Variants in PGCKA1 observed in about 807,000 individuals in gnomAD.
The protein encoded by PGCKA1 is PDCD10 and GCKIII kinases-associated protein 1.
At chr4:37,489,053 A>G in the PGCKA1 span, among the ~76,000 whole-genome samples, 15 of 152,140 alleles carry the variant, frequency 9.9e-5, no homozygotes, top group Non-Finnish European at 1.9e-4. Flanking sequence ...GTATGCATGG[A>G]TTTTGGTATA....
At chr4:37,573,428 A>T in the PGCKA1 span, among the ~76,000 whole-genome samples, 391 of 152,282 alleles carry the variant, frequency 2.6e-3, 3 homozygotes, top group African/African-American at 8.9e-3. Flanking sequence ...AGTCTGTCCC[A>T]TCCCCTGACT....
At chr4:37,474,564 G>A in the PGCKA1 span, among the ~76,000 whole-genome samples, 10 of 152,292 alleles carry the variant, frequency 6.6e-5, no homozygotes, top group Middle Eastern at 3.4e-3. Flanking sequence ...AGGATGAGTG[G>A]AAAGGGAAGA....
At chr4:37,545,011 A>G in the PGCKA1 span, among the ~76,000 whole-genome samples, 3 of 151,602 alleles carry the variant, frequency 2.0e-5, no homozygotes, top group Non-Finnish European at 4.4e-5. Flanking sequence ...ATGTACCACC[A>G]CACCTGGCTA....
At chr4:37,546,630 T>C in the PGCKA1 span, among the ~76,000 whole-genome samples, 1 of 152,218 alleles carries the variant, frequency 6.6e-6, no homozygotes, top group Non-Finnish European at 1.5e-5. Flanking sequence ...TTCTAAAACT[T>C]GGTGTCTGAG....
At chr4:37,588,746 C>T in the PGCKA1 span, 3 of 839,796 alleles carry the variant, frequency 3.6e-6, no homozygotes, top group Non-Finnish European at 6.0e-6. Context: ...GTGTGACTCT[C>T]TTAATACATT....
At chr4:37,572,048 C>CTTTTTTTTCTTTTTCTTTTTTT in the PGCKA1 span, among the ~76,000 whole-genome samples, 134 of 111,612 alleles carry the variant, frequency 1.2e-3, 8 homozygotes, top group Non-Finnish European at 1.8e-3. Flanking sequence ...AACTTCACAC[C>CTTTTTTTTCTTTTTCTTTTTTT]TTTTTTTTTT....
chr4:37,501,193 G>A, the PGCKA1 span, among the ~76,000 whole-genome samples: 1 of 151,972 alleles, frequency 6.6e-6, no homozygotes, highest in Non-Finnish European at 1.5e-5. Context: ...TGTTTGTGTG[G>A]TTGCTTTATA....
At chr4:37,489,446 C>T in the PGCKA1 span, among the ~76,000 whole-genome samples, 1 of 152,126 alleles carries the variant, frequency 6.6e-6, no homozygotes, top group Non-Finnish European at 1.5e-5. Flanking sequence ...CCTAAAATAG[C>T]ACATTCCTAG....
At chr4:37,506,233 T>A in the PGCKA1 span, among the ~76,000 whole-genome samples, 2 of 152,206 alleles carry the variant, frequency 1.3e-5, no homozygotes, top group African/African-American at 4.8e-5. Context: ...AAAAATCAAC[T>A]TTTTGTTTTG....
At chr4:37,590,472 A>C in the PGCKA1 span, 167 of 1,610,928 alleles carry the variant, frequency 1.0e-4, no homozygotes, top group African/African-American at 2.1e-3. Flanking sequence ...TCCTGGAAGG[A>C]GGGGGCACCA....
chr4:37,504,379 C>T, the PGCKA1 span, among the ~76,000 whole-genome samples: 2,817 of 152,042 alleles, frequency 0.019, 115 homozygotes, highest in African/African-American at 0.065. Context: ...CAGTTTTGTT[C>T]TTTTTTGCTC....
At chr4:37,507,362 C>T in the PGCKA1 span, among the ~76,000 whole-genome samples, 1 of 151,854 alleles carries the variant, frequency 6.6e-6, no homozygotes, top group Non-Finnish European at 1.5e-5. Context: ...TTCTTCTTTT[C>T]TTCCTTCCTG....
At chr4:37,568,415 T>A in the PGCKA1 span, among the ~76,000 whole-genome samples, 5 of 152,196 alleles carry the variant, frequency 3.3e-5, no homozygotes, top group Non-Finnish European at 7.4e-5. Context: ...CCATTCCCAG[T>A]GGAGAAGGGG....
At chr4:37,460,456 A>T in the PGCKA1 span, 1 of 368,488 alleles carries the variant, frequency 2.7e-6, no homozygotes, top group Non-Finnish European at 5.3e-6. Context: ...TCCCACCACC[A>T]GTGTTAAAGT....
the PGCKA1 span, among the ~76,000 whole-genome samples, chr4:37,572,825 A>T: frequency 6.6e-6 from 1 of 152,228 alleles, no homozygotes; most frequent in Non-Finnish European, 1.5e-5. Context: ...GGCCTGTCAC[A>T]TGAAGTCAAG....
the PGCKA1 span, among the ~76,000 whole-genome samples, chr4:37,568,435 C>T: frequency 1.3e-5 from 2 of 152,226 alleles, no homozygotes; most frequent in Admixed American, 1.3e-4. Context: ...GGGTCACTTT[C>T]TCCATCAGGA....
the PGCKA1 span, among the ~76,000 whole-genome samples, chr4:37,534,477 T>C: frequency 6.6e-6 from 1 of 152,262 alleles, no homozygotes; most frequent in South Asian, 2.1e-4. Context: ...GTACCCACTA[T>C]GTGCTTGCTA....
At chr4:37,546,747 T>C in the PGCKA1 span, among the ~76,000 whole-genome samples, 1 of 152,218 alleles carries the variant, frequency 6.6e-6, no homozygotes, top group Admixed American at 6.5e-5. Flanking sequence ...AGGCCTGCCC[T>C]GTGGAGCATC....
the PGCKA1 span, among the ~76,000 whole-genome samples, chr4:37,479,044 T>C: frequency 2.0e-5 from 3 of 152,228 alleles, no homozygotes; most frequent in Non-Finnish European, 4.4e-5. Context: ...AGAATTACAC[T>C]GTCTACAGCA....
Sources: allele counts gnomAD v4.1 joint callset (sites outside exome capture counted in the v4.1 genomes callset), GRCh38; gene constraint gnomAD v4.1.1; transcripts MANE v1.5; gene names NCBI Gene and HGNC (gene_info 2026-07-23, HGNC 2026-07-21).